Variants in RIMS2 observed in about 807,000 individuals in gnomAD.
RIMS2 encodes regulating synaptic membrane exocytosis protein 2.
Under a neutral mutation model 174.4 loss-of-function variants are expected in RIMS2, and 59 were observed. That is an observed-to-expected ratio of 0.34 (90% CI 0.27 to 0.42). The LOEUF is 0.42. Among genes scored for constraint, RIMS2 ranks in the 10% least tolerant of loss-of-function variants. RIMS2 has a pLI of 1.00. For synonymous variants in RIMS2, 606 were observed against 572.5 expected (o/e 1.06, Z -0.84); for missense variants, 1,620 against 1,666.3 (o/e 0.97, Z 0.48).
intron 1 of RIMS2, among the ~76,000 whole-genome samples, chr8:103,561,980 C>T (rs1362951221): frequency 6.6e-6 from 1 of 152,136 alleles, no homozygotes; most frequent in African/African-American, 2.4e-5. Context: ...ATCATTAGAT[C>T]TTGTGAGACT....
chr8:104,246,861 G>T (rs2099334661), intron 20 of RIMS2, among the ~76,000 whole-genome samples: 1 of 152,230 alleles, frequency 6.6e-6, no homozygotes, highest in Admixed American at 6.5e-5. Context: ...TGTGGCAGGG[G>T]CGGGGGCAGC....
intron 1 of RIMS2, among the ~76,000 whole-genome samples, chr8:103,672,805 A>G (rs1278221452): frequency 6.6e-6 from 1 of 152,048 alleles, no homozygotes; most frequent in Non-Finnish European, 1.5e-5. Context: ...ATAACTAAAT[A>G]CAATCATGCC....
chr8:103,575,993 A>G (rs1385283115), intron 1 of RIMS2, among the ~76,000 whole-genome samples: 1 of 152,218 alleles, frequency 6.6e-6, no homozygotes, highest in Non-Finnish European at 1.5e-5. Flanking sequence ...CATCAGGAGT[A>G]CCTGAAGGAA....
At chr8:103,819,760 T>A in intron 3 of RIMS2, 1 of 612,292 alleles carries the variant, frequency 1.6e-6, no homozygotes, top group South Asian at 2.9e-5. Context: ...AAATATAAAA[T>A]TTTATATAGC....
intron 3 of RIMS2, among the ~76,000 whole-genome samples, chr8:103,811,272 T>A (rs1449448039): frequency 6.6e-6 from 1 of 151,652 alleles, no homozygotes; most frequent in African/African-American, 2.4e-5. Context: ...ATTTTCCAAA[T>A]TTTTTTTTCA....
intron 19 of RIMS2, among the ~76,000 whole-genome samples, chr8:104,181,682 GAA>G (rs1213682636): frequency 1.3e-5 from 2 of 151,490 alleles, no homozygotes; most frequent in Admixed American, 6.6e-5. Flanking sequence ...ACTCTAAGGG[GAA>G]AAGAGTATAA....
intron 16 of RIMS2, among the ~76,000 whole-genome samples, chr8:103,985,682 C>T (rs2094308089): frequency 6.6e-6 from 1 of 151,944 alleles, no homozygotes; most frequent in African/African-American, 2.4e-5. Flanking sequence ...CTCCCATGAT[C>T]ATTGCAACGT....
intron 4 of RIMS2, among the ~76,000 whole-genome samples, chr8:103,898,591 A>T (rs1310832527): frequency 6.6e-6 from 1 of 151,592 alleles, no homozygotes; most frequent in African/African-American, 2.4e-5. Context: ...CTGTTGAATT[A>T]AAAAAAGGAA....
intron 19 of RIMS2, among the ~76,000 whole-genome samples, chr8:104,093,133 T>TA (rs966867439): frequency 1.3e-5 from 2 of 151,850 alleles, no homozygotes; most frequent in African/African-American, 2.4e-5. Context: ...TATTAAAAAA[T>TA]AAAAAAAATT....
intron 3 of RIMS2, among the ~76,000 whole-genome samples, chr8:103,870,033 TG>T (rs1444808320): frequency 6.6e-6 from 1 of 152,182 alleles, no homozygotes; most frequent in Non-Finnish European, 1.5e-5. Context: ...AGCCTTTGGC[TG>T]ATGTTGATAT....
intron 1 of RIMS2, among the ~76,000 whole-genome samples, chr8:103,525,513 C>T (rs1161113123): frequency 6.6e-6 from 1 of 152,106 alleles, no homozygotes; most frequent in Non-Finnish European, 1.5e-5. Flanking sequence ...GCAGTCCGGC[C>T]TAGCTTGGGT....
chr8:104,248,910 T>TCTCTCTCTCTCTCTCTCA, intron 21 of RIMS2, 97 bp downstream of exon 27: 1 of 636,972 alleles, frequency 1.6e-6, no homozygotes, highest in Non-Finnish European at 2.7e-6. Flanking sequence ...TCTCTCTCTC[T>TCTCTCTCTCTCTCTCTCA]CTTTCCCTCT....
intron 1 of RIMS2, among the ~76,000 whole-genome samples, chr8:103,528,691 C>T (rs1010136323): frequency 6.6e-6 from 1 of 152,148 alleles, no homozygotes; most frequent in Non-Finnish European, 1.5e-5. Flanking sequence ...TGTCAAAGAT[C>T]AGATGGTTGT....
intron 1 of RIMS2, among the ~76,000 whole-genome samples, chr8:103,629,027 C>T (rs1235131006): frequency 6.6e-6 from 1 of 152,148 alleles, no homozygotes; most frequent in African/African-American, 2.4e-5. Flanking sequence ...TATCCTTGCC[C>T]TGCAATAGTG....
At chr8:104,228,734 G>T (rs2099205612) in intron 19 of RIMS2, among the ~76,000 whole-genome samples, 1 of 152,162 alleles carries the variant, frequency 6.6e-6, no homozygotes, top group Non-Finnish European at 1.5e-5. Flanking sequence ...GCCAACCTTG[G>T]AAGCAGGACA....
chr8:103,554,428 G>C (rs1269894247), intron 1 of RIMS2, among the ~76,000 whole-genome samples: 1 of 152,036 alleles, frequency 6.6e-6, no homozygotes, highest in Non-Finnish European at 1.5e-5. Flanking sequence ...CGGCCAACAA[G>C]CATATGAAAA....
chr8:103,913,796 G>T (rs1186885163), intron 6 of RIMS2, among the ~76,000 whole-genome samples: 1 of 152,042 alleles, frequency 6.6e-6, no homozygotes, highest in Non-Finnish European at 1.5e-5. Context: ...TAAATGACCA[G>T]ATCTTGCAAG....
chr8:103,838,782 C>T (rs1441114013), intron 3 of RIMS2, among the ~76,000 whole-genome samples: 1 of 152,030 alleles, frequency 6.6e-6, no homozygotes, highest in Non-Finnish European at 1.5e-5. Context: ...ATTAAAGTTC[C>T]TGGCCGGACT....
chr8:103,875,328 G>A (rs188947187), intron 3 of RIMS2, among the ~76,000 whole-genome samples: 2 of 151,914 alleles, frequency 1.3e-5, no homozygotes, highest in East Asian at 3.9e-4. Flanking sequence ...TATACCCATG[G>A]CTTAGCTCCC....
Sources: allele counts gnomAD v4.1 joint callset (sites outside exome capture counted in the v4.1 genomes callset), GRCh38; gene constraint gnomAD v4.1.1; transcripts MANE v1.5; gene names NCBI Gene and HGNC (gene_info 2026-07-23, HGNC 2026-07-21).